FHIT: variants seen among roughly 807,000 people sequenced by gnomAD.
FHIT encodes bis(5'-adenosyl)-triphosphatase.
A neutral mutation model predicts 17.9 loss-of-function variants in FHIT; 19 were observed. That is an observed-to-expected ratio of 1.06 (90% CI 0.74 to 1.56). The LOEUF (loss-of-function observed/expected upper bound fraction) is 1.56, where lower values mean the gene tolerates loss of function less well. FHIT is among the 40% of genes most tolerant of loss of function. The pLI, the probability that FHIT is intolerant of heterozygous loss-of-function variation, is 0.00. For synonymous variants in FHIT, 81 were observed against 69.7 expected (o/e 1.16, Z -0.81); for missense variants, 248 against 189.2 (o/e 1.31, Z -1.82).
At chr3:59,943,488 G>A (rs1270833770) in intron 7 of FHIT, among the ~76,000 whole-genome samples, 2 of 152,136 alleles carry the variant, frequency 1.3e-5, no homozygotes, top group Non-Finnish European at 2.9e-5. Flanking sequence ...TATGACAAGA[G>A]AGGCCCTTGG....
chr3:60,893,045 G>A (rs771167066), intron 3 of FHIT, among the ~76,000 whole-genome samples: 2 of 152,158 alleles, frequency 1.3e-5, no homozygotes, highest in Non-Finnish European at 2.9e-5. Flanking sequence ...TTGGCATTTT[G>A]AATATTTTAA....
intron 5 of FHIT, among the ~76,000 whole-genome samples, chr3:60,431,617 G>T (rs2107297276): frequency 6.6e-6 from 1 of 152,182 alleles, no homozygotes; most frequent in East Asian, 1.9e-4. Context: ...GAAGGCTCAA[G>T]TTCTATCTTG....
At chr3:60,771,769 G>A (rs1181852320) in intron 4 of FHIT, among the ~76,000 whole-genome samples, 3 of 152,134 alleles carry the variant, frequency 2.0e-5, no homozygotes, top group Non-Finnish European at 2.9e-5. Flanking sequence ...AGCAAACTTA[G>A]TTTCACATCA....
chr3:60,834,567 A>G (rs1195867670), intron 3 of FHIT, among the ~76,000 whole-genome samples: 1 of 152,086 alleles, frequency 6.6e-6, no homozygotes, highest in Admixed American at 6.6e-5. Context: ...ATTCTCTTAA[A>G]AGGGTCTTAG....
intron 5 of FHIT, among the ~76,000 whole-genome samples, chr3:60,140,255 A>C (rs929526973): frequency 6.6e-6 from 1 of 152,150 alleles, no homozygotes; most frequent in African/African-American, 2.4e-5. Flanking sequence ...CCATTCTCCC[A>C]TTCTGATGAT....
At chr3:60,621,963 G>A (rs1222342296) in intron 4 of FHIT, among the ~76,000 whole-genome samples, 2 of 152,058 alleles carry the variant, frequency 1.3e-5, no homozygotes, top group African/African-American at 2.4e-5. Context: ...CCAATGAGGT[G>A]TCCACTGTGT....
At chr3:60,199,786 A>G (rs1438355503) in intron 5 of FHIT, among the ~76,000 whole-genome samples, 1 of 152,178 alleles carries the variant, frequency 6.6e-6, no homozygotes, top group African/African-American at 2.4e-5. Context: ...GAAGAAACCT[A>G]TGAGAACTCT....
rs1253846887 is a variant in FHIT at position 60,130,559 on chromosome 3, G to C, written c.104-116407C>G. ...TCTGCATCACATGCTCATATCAACT[G>C]ATCTGTATTTTTATACAACTTCAAA... On this transcript the variant is annotated intron_variant, in intron 5 of 9. Transcript: ENST00000492590. Among the ~76,000 whole-genome samples the C allele has an allele frequency of 5.3e-5, 8 of 152,164 alleles. No homozygotes were observed. The South Asian group carries it at 6.2e-4, about 12-fold the overall frequency.
intron 7 of FHIT, among the ~76,000 whole-genome samples, chr3:59,927,970 C>T (rs1442190832): frequency 2.0e-5 from 3 of 152,274 alleles, no homozygotes; most frequent in East Asian, 3.9e-4. Context: ...GTGGTTGTAT[C>T]GATATCCTTT....
chr3:60,818,688 G>C (rs952639970), intron 4 of FHIT, among the ~76,000 whole-genome samples: 2 of 152,072 alleles, frequency 1.3e-5, no homozygotes, highest in African/African-American at 4.8e-5. Context: ...ATAAATTCAA[G>C]GGTCAACCAG....
chr3:60,913,444 T>G (rs1387976037), intron 3 of FHIT, among the ~76,000 whole-genome samples: 3 of 152,218 alleles, frequency 2.0e-5, no homozygotes, highest in Non-Finnish European at 4.4e-5. Context: ...GTCTTAGGTC[T>G]CACCCTAGAC....
chr3:60,493,324 T>A (rs1326052660), intron 5 of FHIT, among the ~76,000 whole-genome samples: 1 of 152,226 alleles, frequency 6.6e-6, no homozygotes, highest in East Asian at 1.9e-4. Context: ...ATAAGTAGAA[T>A]CAGCCTATAT....
intron 5 of FHIT, among the ~76,000 whole-genome samples, chr3:60,021,475 A>G (rs760221950): frequency 6.6e-6 from 1 of 152,224 alleles, no homozygotes; most frequent in Non-Finnish European, 1.5e-5. Context: ...ATGCAAAGTA[A>G]TCTTATACTG....
intron 2 of FHIT, among the ~76,000 whole-genome samples, chr3:61,142,606 C>A (rs1253893731): frequency 3.3e-5 from 5 of 152,006 alleles, no homozygotes; most frequent in Non-Finnish European, 5.9e-5. Flanking sequence ...GATGGAAAAC[C>A]ATGCAACCAT....
At chr3:60,327,795 C>A (rs940804378) in intron 5 of FHIT, among the ~76,000 whole-genome samples, 1 of 151,980 alleles carries the variant, frequency 6.6e-6, no homozygotes, top group African/African-American at 2.4e-5. Flanking sequence ...ATATTAGGGT[C>A]CCAGTGGGAA....
intron 5 of FHIT, among the ~76,000 whole-genome samples, chr3:60,123,917 C>T (rs977105579): frequency 2.1e-5 from 3 of 140,424 alleles, no homozygotes; most frequent in Non-Finnish European, 1.5e-5. Context: ...TTCCTATCCA[C>T]GACTTAGTTT....
intron 4 of FHIT, among the ~76,000 whole-genome samples, chr3:60,569,755 A>ATATATATATATAT: frequency 0.041 from 3,161 of 77,240 alleles, 148 homozygotes; most frequent in Non-Finnish European, 0.059. Flanking sequence ...ATATATATAT[A>ATATATATATATAT]TTTTTTTTTT....
At chr3:60,295,218 G>C (rs1218335147) in intron 5 of FHIT, among the ~76,000 whole-genome samples, 1 of 152,026 alleles carries the variant, frequency 6.6e-6, no homozygotes, top group Admixed American at 6.6e-5. Context: ...CCTGTGAATA[G>C]CCACTGCACT....
intron 3 of FHIT, among the ~76,000 whole-genome samples, chr3:60,855,348 T>A (rs139639506): frequency 1.3e-5 from 2 of 152,110 alleles, no homozygotes; most frequent in Non-Finnish European, 2.9e-5. Context: ...TCACCTTTGG[T>A]AAAAAGTCAT....
Sources: gnomAD v4.1 joint callset for allele counts (sites outside exome capture counted in the v4.1 genomes callset) on GRCh38, gnomAD v4.1.1 for gene constraint, MANE v1.5 for transcripts, NCBI Gene and HGNC (gene_info 2026-07-23, HGNC 2026-07-21) for gene names.